The following VAMP7 variants were observed in gnomAD, a reference collection of about 807,000 sequenced individuals.
VAMP7 encodes vesicle associated membrane protein 7.
In VAMP7, 14 loss-of-function variants were observed where a neutral mutation model predicts 29.6. The observed-to-expected ratio is 0.47, with a 90% CI of 0.31 to 0.74. VAMP7 has a LOEUF of 0.74. Among genes scored for constraint, VAMP7 ranks in the 30% least tolerant of loss-of-function variants. VAMP7 has a pLI of 0.05. For missense variants in VAMP7, 223 were observed against 262.4 expected (o/e 0.85, Z 1.04); for synonymous variants, 95 against 88.1 (o/e 1.08, Z -0.44).
At chrX:155,941,759 C>G in intron 7 of VAMP7, 124 bp from the exon 8 acceptor site, 3 of 1,163,198 alleles carry the variant, frequency 2.6e-6, no homozygotes, top group East Asian at 2.6e-5. Context: ...TGTTCCATTA[C>G]TACATAACTG....
Position 155,943,382 on chromosome X carries a change from C to T in VAMP7, c.*1431C>T, listed in dbSNP as rs1158704296. 6.6e-6 allele frequency: 1 copy of T among 152,176 alleles called. No homozygotes were observed. Among genetic ancestry groups the T allele is most frequent in the Non-Finnish European group, 1.5e-5 (1 of 67,954 alleles). 9.4% of individuals were successfully genotyped at this position (152,176 alleles called of 1,614,324 possible). A position where few individuals can be genotyped will look rare whatever the true frequency, so the allele number is the denominator to read the frequency against. The stretch of plus-strand genomic sequence containing the variant: ...ATCCAAACCTTTCAATTCATGCTAC[C>T]TGATTCATTTATTTGACATAGATCT... On this transcript the variant is annotated 3_prime_UTR_variant, in exon 8 of 8. Coordinates refer to ENST00000286448, the MANE Select transcript of VAMP7 (RefSeq NM_005638.6).
At chrX:155,918,166 C>T (rs1240266366) in intron 5 of VAMP7, among the ~76,000 whole-genome samples, 1 of 152,116 alleles carries the variant, frequency 6.6e-6, no homozygotes, top group Non-Finnish European at 1.5e-5. Context: ...CTCCACCAAG[C>T]TCGAGTGTCC....
At chrX:155,885,206 T>C (rs2065851108) in intron 1 of VAMP7, among the ~76,000 whole-genome samples, 1 of 152,212 alleles carries the variant, frequency 6.6e-6, no homozygotes, top group African/African-American at 2.4e-5. Context: ...ATCCTTTCTT[T>C]AGTCCCTTAA....
chrX:155,918,314 A>G (rs1323140350), intron 5 of VAMP7, among the ~76,000 whole-genome samples: 2 of 151,852 alleles, frequency 1.3e-5, no homozygotes, highest in African/African-American at 2.4e-5. Flanking sequence ...AGGCGAGTGA[A>G]CAGTTATGTC....
chrX:155,895,487 A>G, intron 2 of VAMP7, 136 bp from the exon 3 acceptor site: 1 of 596,338 alleles, frequency 1.7e-6, no homozygotes, highest in East Asian at 2.8e-5. Flanking sequence ...GGGAAGGGGA[A>G]GAGGGAGAAG....
chrX:155,931,059 C>T (rs1395046243), intron 6 of VAMP7, among the ~76,000 whole-genome samples: 2 of 152,100 alleles, frequency 1.3e-5, no homozygotes, highest in South Asian at 2.1e-4. Context: ...TTTACGGCTG[C>T]GTAGTATTTC....
At chrX:155,920,593 G>A (rs2066381404) in intron 6 of VAMP7, among the ~76,000 whole-genome samples, 1 of 152,154 alleles carries the variant, frequency 6.6e-6, no homozygotes, top group Non-Finnish European at 1.5e-5. Context: ...GGATTGTAGT[G>A]GTTAAGAACA....
chrX:155,889,684 A>G, intron 2 of VAMP7, 72 bp downstream of exon 2: 1 of 1,506,416 alleles, frequency 6.6e-7, no homozygotes, highest in Non-Finnish European at 8.9e-7. Flanking sequence ...ACGGTAGAAA[A>G]GTAGAAAACA....
intron 3 of VAMP7, 148 bp downstream of exon 3, chrX:155,895,828 G>T (rs2065980406): frequency 3.4e-6 from 2 of 594,338 alleles, no homozygotes; most frequent in Non-Finnish European, 6.2e-6. Context: ...CATAGCAGGA[G>T]GTGAGTGGCC....
intron 1 of VAMP7, among the ~76,000 whole-genome samples, chrX:155,888,854 A>G (rs2065895530): frequency 6.6e-6 from 1 of 152,138 alleles, no homozygotes; most frequent in South Asian, 2.1e-4. Flanking sequence ...TTTGGGGGAA[A>G]TTATTTAAGT....
intron 1 of VAMP7, among the ~76,000 whole-genome samples, chrX:155,882,263 G>C (rs947259950): frequency 6.6e-6 from 1 of 152,124 alleles, no homozygotes; most frequent in East Asian, 1.9e-4. Context: ...AAGTGCAGGG[G>C]ATACAGCTGT....
At position 155,898,137 on chromosome X, in the gene VAMP7, A is replaced by C. The variant is rs142789451; in HGVS notation, c.230A>C (p.Asn77Thr). The C allele has an allele frequency of 9.8e-5, 158 of 1,613,354 alleles. No individual in the cohort carries two copies. The African/African-American group carries it at 1.9e-3, about 20-fold the overall frequency. The stretch of plus-strand genomic sequence containing the variant: ...GATTTTGAACGTTCCCGAGCCTTTA[A>C]TTTTCTGAATGAGATAAAGAAGAGG... ...DDDFERSRAF[N>T]FLNEIKKRFQ... Residue 77 changes from asparagine (N) to threonine (T), a missense_variant, in exon 4 of 8, where the codon AAT (asparagine) becomes ACT (threonine). Physicochemically the swap from Asn to Thr is moderately conservative, Grantham distance 65 (BLOSUM62 0). Transcript: ENST00000286448.
intron 1 of VAMP7, among the ~76,000 whole-genome samples, chrX:155,887,036 C>G (rs2065873323): frequency 6.6e-6 from 1 of 152,060 alleles, no homozygotes. Flanking sequence ...TCTCTTTGAC[C>G]CTAAGCAATG....
chrX:155,940,855 G>A (rs1006635309), intron 7 of VAMP7, among the ~76,000 whole-genome samples: 1 of 152,092 alleles, frequency 6.6e-6, no homozygotes, highest in African/African-American at 2.4e-5. Context: ...AACAGAATTT[G>A]CTGTAATCTG....
chrX:155,906,610 G>T (rs760152884), intron 5 of VAMP7, among the ~76,000 whole-genome samples: 1 of 151,584 alleles, frequency 6.6e-6, no homozygotes, highest in African/African-American at 2.4e-5. Flanking sequence ...TTTCATTTTC[G>T]GATTGTTCAG....
intron 1 of VAMP7, among the ~76,000 whole-genome samples, chrX:155,883,606 A>T (rs1442608145): frequency 6.6e-6 from 1 of 151,974 alleles, no homozygotes; most frequent in African/African-American, 2.4e-5. Flanking sequence ...ACCATGTGCT[A>T]TGTAATGAGT....
rs781274252 is a variant in VAMP7 at position 155,892,863 on chromosome X, C to G, written c.147-2760C>G. 8.9e-4 allele frequency among the ~76,000 whole-genome samples: 135 copies of G among 152,112 alleles called. 1 individual carries two copies. Among genetic ancestry groups the G allele is most frequent in the Admixed American group, 3.1e-3 (47 of 15,276 alleles). ...CACTTCCTGGGTTCAAGTGATTATC[C>G]TGCCTCAGCCTCCCGAGTAACTGGG... On this transcript the variant is annotated intron_variant, in intron 2 of 7. Transcript: ENST00000286448.
chrX:155,884,379 A>C (rs2124212672), intron 1 of VAMP7, among the ~76,000 whole-genome samples: 1 of 151,558 alleles, frequency 6.6e-6, no homozygotes, highest in African/African-American at 2.4e-5. Flanking sequence ...CGCCCGCCTC[A>C]GCCTCCCAAA....
At chrX:155,908,434 C>A (rs1358420573) in intron 5 of VAMP7, among the ~76,000 whole-genome samples, 2 of 152,132 alleles carry the variant, frequency 1.3e-5, no homozygotes, top group African/African-American at 4.8e-5. Flanking sequence ...CAGCACTCGG[C>A]AGGCTGAGGC....
Sources: gnomAD v4.1 joint callset for allele counts (sites outside exome capture counted in the v4.1 genomes callset) on GRCh38, gnomAD v4.1.1 for gene constraint, MANE v1.5 for transcripts, NCBI Gene and HGNC (gene_info 2026-07-23, HGNC 2026-07-21) for gene names.